The following FAM114A1 variants were observed in gnomAD, a reference collection of about 807,000 sequenced individuals.
The protein encoded by FAM114A1 is family with sequence similarity 114 member A1, also known as protein NOXP20.
FAM114A1 carries 62 observed loss-of-function variants against 64.3 expected under a neutral mutation model. The observed-to-expected ratio is 0.96, with a 90% CI of 0.79 to 1.19. The LOEUF (loss-of-function observed/expected upper bound fraction) is 1.19, where lower values mean the gene tolerates loss of function less well. Ranked by LOEUF, FAM114A1 falls within the 50% of genes most tolerant of loss-of-function variation. FAM114A1 has a pLI of 0.00. For synonymous variants in FAM114A1, 254 were observed against 251.1 expected, an observed-to-expected ratio of 1.01 and a Z score of -0.11; for missense variants, 645 against 676.3, an observed-to-expected ratio of 0.95 and a Z score of 0.51.
intron 3 of FAM114A1, among the ~76,000 whole-genome samples, chr4:38,884,053 T>C (rs1230675282): frequency 1.3e-5 from 2 of 152,216 alleles, no homozygotes; most frequent in African/African-American, 4.8e-5. Flanking sequence ...GTGACACTCT[T>C]ACAGTCAGTC....
At position 38,891,770 on chromosome 4, in the gene FAM114A1, G is replaced by A; in HGVS notation, c.376G>A (p.Gly126Arg). 3 of 1,612,372 alleles carry A rather than the reference G, an allele frequency of 1.9e-6. No individual in the cohort carries two copies. The highest frequency in any genetic ancestry group is 1.1e-5 in the South Asian group (1 of 90,782). ...TGTGGATTCCCCTCCAAGTGGAGGA[G>A]GATGGGCAGGCTGGGGATCCTGGGG... ...LAVDSPPSGGGWAGWGSWGKS... is the reference protein window; with the variant it reads ...LAVDSPPSGGRWAGWGSWGKS... The change falls in exon 4 of 15, where the codon GGA becomes AGA. Residue 126 changes from glycine (G) to arginine (R), a missense_variant. By Grantham distance (125) the Gly-to-Arg change is moderately radical. Transcript: ENST00000358869.
chr4:38,943,426 C>A, intron 14 of FAM114A1, 30 bp from the exon 15 acceptor site: 3 of 1,572,752 alleles, frequency 1.9e-6, no homozygotes, highest in Non-Finnish European at 2.6e-6. Flanking sequence ...ATGAAAATAA[C>A]CCTTCAACCT....
In FAM114A1 at chr4:38,943,557, A is replaced by T; in HGVS notation, c.1692A>T (p.Ter564CysextTer8). ...CCAGTTGTTTGAAAGCACAGCCGTG[A>T]CCTGGCCAGACTCCATCTAGTTAAA... Reference protein sequence around the residue: ...IQTSCLKAQP* With the variant: ...IQTSCLKAQPC The change falls in exon 15 of 15, where the codon TGA becomes TGT. Residue 564 changes from the stop codon to cysteine (C), a stop_lost. Transcript: ENST00000358869. 1 of 1,613,426 alleles carries T rather than the reference A, an allele frequency of 6.2e-7. No homozygotes were observed. Among genetic ancestry groups the T allele is most frequent in the Non-Finnish European group, 8.5e-7 (1 of 1,179,634 alleles).
chr4:38,908,585 T>TC lies in FAM114A1; in HGVS notation c.658-6dup, dbSNP rs780293233. 4.4e-6 allele frequency: 7 copies of TC among 1,605,394 alleles called. No homozygotes were observed. In the South Asian group the frequency reaches 7.8e-5, roughly 18 times the overall value. On this transcript the variant is annotated splice_region_variant and splice_polypyrimidine_tract_variant and intron_variant, in intron 6 of 14. Transcript: ENST00000358869. ...CATCTAATCTCATGCAGTTATCTCA[T>TC]CTGCAGGGTAAAAGTGTCTTAACTG...
intron 8 of FAM114A1, among the ~76,000 whole-genome samples, chr4:38,921,563 G>A (rs961836530): frequency 6.6e-6 from 1 of 152,114 alleles, no homozygotes; most frequent in Admixed American, 6.5e-5. Flanking sequence ...TGCCTGGCCT[G>A]TACAAATAAT....
At chr4:38,924,703 A>G (rs571925742) in intron 9 of FAM114A1, among the ~76,000 whole-genome samples, 71 of 152,332 alleles carry the variant, frequency 4.7e-4, no homozygotes, top group Non-Finnish European at 5.3e-4. Flanking sequence ...CGGAGTCACA[A>G]AGGATGACAG....
At chr4:38,868,082 G>T (rs529770818) in intron 1 of FAM114A1, 2 of 416,014 alleles carry the variant, frequency 4.8e-6, no homozygotes, top group East Asian at 1.9e-4. Context: ...AGTGTGTGTC[G>T]CTCCGGGTCC....
intron 14 of FAM114A1, among the ~76,000 whole-genome samples, chr4:38,941,340 A>G (rs961583180): frequency 1.3e-5 from 2 of 152,214 alleles, no homozygotes; most frequent in Non-Finnish European, 2.9e-5. Flanking sequence ...TATTGGCTGC[A>G]ATGAGGGATT....
intron 13 of FAM114A1, among the ~76,000 whole-genome samples, chr4:38,937,243 G>A (rs149281282): frequency 9.1e-4 from 139 of 152,250 alleles, no homozygotes; most frequent in African/African-American, 3.3e-3. Context: ...TCGTGGTTCT[G>A]GAGGCTAGAC....
chr4:38,888,421 G>A (rs551283476), intron 3 of FAM114A1, among the ~76,000 whole-genome samples: 3 of 152,190 alleles, frequency 2.0e-5, no homozygotes, highest in South Asian at 4.2e-4. Context: ...TACTTGGGAG[G>A]CTGAGGCAGG....
intron 4 of FAM114A1, among the ~76,000 whole-genome samples, chr4:38,895,930 C>T (rs1345725517): frequency 6.6e-6 from 1 of 152,058 alleles, no homozygotes; most frequent in African/African-American, 2.4e-5. Context: ...ATAGATGTGG[C>T]CCGTCGTTGA....
intron 7 of FAM114A1, among the ~76,000 whole-genome samples, chr4:38,913,176 C>T (rs562413787): frequency 2.6e-5 from 4 of 152,182 alleles, no homozygotes; most frequent in Non-Finnish European, 5.9e-5. Context: ...ACCCCATACA[C>T]GTAATGCCTC....
At chr4:38,917,943 G>A (rs55799002) in intron 8 of FAM114A1, among the ~76,000 whole-genome samples, 20,669 of 151,978 alleles carry the variant, frequency 0.14, 1,757 homozygotes, top group East Asian at 0.4. Flanking sequence ...CAGGCCAGGC[G>A]CGGTGACTCA....
chr4:38,884,331 A>G (rs562247145), intron 3 of FAM114A1, among the ~76,000 whole-genome samples: 10 of 152,330 alleles, frequency 6.6e-5, no homozygotes, highest in Admixed American at 1.3e-4. Context: ...AAGTGAAGAT[A>G]CTTTGTGGAC....
chr4:38,927,013 C>T (rs1720173770), intron 9 of FAM114A1, among the ~76,000 whole-genome samples: 1 of 152,196 alleles, frequency 6.6e-6, no homozygotes, highest in East Asian at 1.9e-4. Flanking sequence ...CTGCCTCCTC[C>T]CTGCGCACAC....
At chr4:38,937,549 A>G (rs547321455) in intron 13 of FAM114A1, among the ~76,000 whole-genome samples, 2 of 152,242 alleles carry the variant, frequency 1.3e-5, no homozygotes, top group African/African-American at 4.8e-5. Context: ...CCTATCTCCA[A>G]ATAAGGTCAC....
chr4:38,929,410 G>A, intron 10 of FAM114A1, 77 bp downstream of exon 10: 2 of 1,108,720 alleles, frequency 1.8e-6, no homozygotes, highest in Non-Finnish European at 2.7e-6. Flanking sequence ...AAGTTCCAGA[G>A]ATGCACCTGA....
At chr4:38,920,384 T>G (rs1458277608) in intron 8 of FAM114A1, among the ~76,000 whole-genome samples, 1 of 152,190 alleles carries the variant, frequency 6.6e-6, no homozygotes, top group Non-Finnish European at 1.5e-5. Flanking sequence ...AAGCATATAG[T>G]CAGCATTCCA....
chr4:38,894,023 C>T (rs775580164), intron 4 of FAM114A1, among the ~76,000 whole-genome samples: 51 of 151,770 alleles, frequency 3.4e-4, no homozygotes, highest in Non-Finnish European at 2.5e-4. Context: ...ATTAGCTGGA[C>T]GTGGTGGTGG....
Sources: allele counts gnomAD v4.1 joint callset (sites outside exome capture counted in the v4.1 genomes callset), GRCh38; gene constraint gnomAD v4.1.1; transcripts MANE v1.5; gene names NCBI Gene and HGNC (gene_info 2026-07-23, HGNC 2026-07-21).